The following FAM110D variants were observed in gnomAD, a reference collection of about 807,000 sequenced individuals.
FAM110D encodes protein FAM110D.
For missense variants in FAM110D, 376 were observed against 395.6 expected, an observed-to-expected ratio of 0.95 and a Z score of 0.42; for synonymous variants, 174 against 189.4, an observed-to-expected ratio of 0.92 and a Z score of 0.67.
Position 26,161,468 on chromosome 1 carries a change from G to C in FAM110D, c.177G>C (p.Gly59=), listed in dbSNP as rs1445238594. 3 of 1,561,630 alleles carry C rather than the reference G, an allele frequency of 1.9e-6. No homozygotes were observed. The highest frequency in any genetic ancestry group is 2.4e-5 in the East Asian group (1 of 41,640). Reference sequence around the variant, plus strand: ...CGCCGCACCCCTGCAACGAGCTGGGGCCCCCTGCATCGCCCAGGACGCCCA... The same window carrying C: ...CGCCGCACCCCTGCAACGAGCTGGGCCCCCCTGCATCGCCCAGGACGCCCA... ...PLTPHPCNEL[G]PPASPRTPRP... is the part of the protein sequence containing the mutation. Residue 59 remains glycine, a synonymous_variant, in exon 2 of 2, where the codon GGG becomes GGC. Transcript: ENST00000374268. The surrounding 1 kb of genome is among the most constrained non-coding windows in gnomAD (Gnocchi z 5.4).
In FAM110D at chr1:26,163,156, G is replaced by T. The variant is rs990165346; in HGVS notation, c.*1049G>T. 1 of 152,016 alleles carries T rather than the reference G, an allele frequency of 6.6e-6. No individual in the cohort carries two copies. The highest frequency in any genetic ancestry group is 2.4e-5 in the African/African-American group (1 of 41,358). 9.4% of individuals were successfully genotyped at this position (152,016 alleles called of 1,614,324 possible). A position where few individuals can be genotyped will look rare whatever the true frequency, so the allele number is the denominator to read the frequency against. On this transcript the variant is annotated 3_prime_UTR_variant, in exon 2 of 2. Coordinates refer to ENST00000374268, the MANE Select transcript of FAM110D (RefSeq NM_024869.3). ...AAAAATAAAAATAAAAATAAAAAAA[G>T]AAAAGAAGGAAACCTTTCCTGCCAG...
chr1:26,161,990 G>T lies in FAM110D; in HGVS notation c.699G>T (p.Ala233=), dbSNP rs531581842. ...GCGGCGGCGGCGGCTCGGAGGCAGC[G>T]GGCTCGGCGCGGGACCGGCGCCCCC... ...GAGGGGGSEA[A]GSARDRRPPV... Residue 233 remains alanine (A), a synonymous_variant, in exon 2 of 2, where the codon GCG becomes GCT. Transcript: ENST00000374268. The surrounding 1 kb of genome is among the most constrained non-coding windows in gnomAD (Gnocchi z 5.4). 225 of 1,238,870 alleles carry T rather than the reference G, an allele frequency of 1.8e-4. No individual in the cohort carries two copies. The African/African-American group carries it at 3.1e-3, about 17-fold the overall frequency. The allele number at this position is 1,238,870 out of a possible 1,614,324, so 76.7% of individuals were successfully genotyped here. A position where few individuals can be genotyped will look rare whatever the true frequency, so the allele number is the denominator to read the frequency against.
Position 26,161,528 on chromosome 1 carries a change from G to C in FAM110D, c.237G>C (p.Pro79=), listed in dbSNP as rs3748857. The change falls in exon 2 of 2, where the codon CCG becomes CCC. Residue 79 remains proline, a synonymous_variant. Transcript: ENST00000374268. The surrounding 1 kb of genome is among the most constrained non-coding windows in gnomAD (Gnocchi z 5.4). ...PVRRGSGRRL[P]RPDSLIFYRQ... ...GCCGGGGAAGCGGCAGGCGGCTGCC[G>C]AGGCCTGATTCCCTCATCTTCTACC... The C allele has an allele frequency of 5.8e-6, 9 of 1,550,578 alleles. No homozygotes were observed. Among genetic ancestry groups the C allele is most frequent in the Non-Finnish European group, 5.2e-6 (6 of 1,147,062 alleles).
Position 26,162,197 on chromosome 1 carries a change from C to A in FAM110D, c.*90C>A. On this transcript the variant is annotated 3_prime_UTR_variant, in exon 2 of 2. Coordinates refer to ENST00000374268, the MANE Select transcript of FAM110D (RefSeq NM_024869.3). The surrounding 1 kb of genome is among the most constrained non-coding windows in gnomAD (Gnocchi z 5.3). ...GCGCGCTGGGTGCCTTTGCGTAAGC[C>A]CTTCCTTCTGGAACTCAGTTTCGCG... 1 of 824,536 alleles carries A rather than the reference C, an allele frequency of 1.2e-6. No homozygotes were observed. The highest frequency in any genetic ancestry group is 1.6e-6 in the Non-Finnish European group (1 of 611,546). The allele number at this position is 824,536 out of a possible 1,614,324, so 51.1% of individuals were successfully genotyped here. A position where few individuals can be genotyped will look rare whatever the true frequency, so the allele number is the denominator to read the frequency against.
chr1:26,161,459 C>A lies in FAM110D; in HGVS notation c.168C>A (p.Asn56Lys). ...SPGPLTPHPC[N>K]ELGPPASPRT... ...GGCCGCTCACGCCGCACCCCTGCAACGAGCTGGGGCCCCCTGCATCGCCCA... is the reference window on the plus strand; with the variant it reads ...GGCCGCTCACGCCGCACCCCTGCAAAGAGCTGGGGCCCCCTGCATCGCCCA... Residue 56 changes from asparagine (N) to lysine (K), a missense_variant, in exon 2 of 2, where the codon AAC becomes AAA. Transcript: ENST00000374268. The surrounding 1 kb of genome is among the most constrained non-coding windows in gnomAD (Gnocchi z 5.4). 2 of 1,566,524 alleles carry A rather than the reference C, an allele frequency of 1.3e-6. No individual in the cohort carries two copies. Among genetic ancestry groups the A allele is most frequent in the Non-Finnish European group, 1.7e-6 (2 of 1,156,160 alleles).
At position 26,161,763 on chromosome 1, in the gene FAM110D, C is replaced by T; in HGVS notation, c.472C>T (p.Pro158Ser). 1.3e-6 allele frequency: 2 copies of T among 1,549,996 alleles called. No homozygotes were observed. The highest frequency in any genetic ancestry group is 2.4e-5 in the East Asian group (1 of 41,156). The change falls in exon 2 of 2, where the codon CCC (proline) becomes TCC (serine). Residue 158 changes from proline (P) to serine (S), a missense_variant. Physicochemically the swap from Pro to Ser is moderately conservative, Grantham distance 74. Coordinates refer to ENST00000374268, the MANE Select transcript of FAM110D (RefSeq NM_024869.3). This position sits in a 1 kb window ranked among gnomAD's most constrained non-coding sequence, Gnocchi z 5.4. ...GGCGCTGTGTCCCACGTGCTCGCTG[C>T]CCCTGTCGGAGAAGGAGCGCTTCTT... is the stretch of plus-strand genomic sequence containing the variant. ...KRALCPTCSL[P>S]LSEKERFFNY...
In FAM110D at chr1:26,161,372, G is replaced by A. The variant is rs1321910419; in HGVS notation, c.81G>A (p.Lys27=). 1.3e-6 allele frequency: 2 copies of A among 1,598,638 alleles called. No individual in the cohort carries two copies. Among genetic ancestry groups the A allele is most frequent in the African/African-American group, 1.3e-5 (1 of 74,754 alleles). Residue 27 remains lysine (K), a synonymous_variant, in exon 2 of 2, where the codon AAG becomes AAA. Coordinates refer to ENST00000374268, the MANE Select transcript of FAM110D (RefSeq NM_024869.3). The surrounding 1 kb of genome is among the most constrained non-coding windows in gnomAD (Gnocchi z 5.4). The stretch of plus-strand genomic sequence containing the variant: ...AGAGGCTGGAAGCCGACAAAGCCAA[G>A]TATGTCAAGACGCACCAGGTGATAG... ...AVERLEADKA[K]YVKTHQVIAR...
rs922233630 is a variant in FAM110D at position 26,162,063 on chromosome 1, G to C, written c.772G>C (p.Gly258Arg). ...CGCGCGCGTCATCCAGTGGCTGTAC[G>C]GCTGCCAGCGCGCCCGCGGACCGCC... The part of the protein sequence containing the change: ...RNARVIQWLY[G>R]CQRARGPPRE... The change falls in exon 2 of 2, where the codon GGC becomes CGC. Residue 258 changes from glycine (G) to arginine (R), a missense_variant. By Grantham distance (125) the Gly-to-Arg change is moderately radical. Coordinates refer to ENST00000374268, the MANE Select transcript of FAM110D (RefSeq NM_024869.3). This position sits in a 1 kb window ranked among gnomAD's most constrained non-coding sequence, Gnocchi z 5.3. 13 of 1,271,060 alleles carry C rather than the reference G, an allele frequency of 1.0e-5. No homozygotes were observed. The highest frequency in any genetic ancestry group is 1.5e-5 in the African/African-American group (1 of 64,842). The allele number at this position is 1,271,060 out of a possible 1,614,324, so 78.7% of individuals were successfully genotyped here. A position where few individuals can be genotyped will look rare whatever the true frequency, so the allele number is the denominator to read the frequency against.
At position 26,161,740 on chromosome 1, in the gene FAM110D, C is replaced by A; in HGVS notation, c.449C>A (p.Ala150Glu). The change falls in exon 2 of 2, where the codon GCG becomes GAG. Residue 150 changes from alanine (A) to glutamate (E), a missense_variant. By Grantham distance (107) the Ala-to-Glu change is moderately radical. Coordinates refer to ENST00000374268, the MANE Select transcript of FAM110D (RefSeq NM_024869.3). This position sits in a 1 kb window ranked among gnomAD's most constrained non-coding sequence, Gnocchi z 5.4. ...QDAPEAAGKR[A>E]LCPTCSLPLS... ...GCCCCGGAAGCGGCGGGAAAGCGGGCGCTGTGTCCCACGTGCTCGCTGCCC... is the reference window on the plus strand; with the variant it reads ...GCCCCGGAAGCGGCGGGAAAGCGGGAGCTGTGTCCCACGTGCTCGCTGCCC... 2 of 1,547,802 alleles carry A rather than the reference C, an allele frequency of 1.3e-6. No homozygotes were observed. The highest frequency in any genetic ancestry group is 2.4e-5 in the East Asian group (1 of 40,982).
In FAM110D at chr1:26,163,256, C is replaced by G. The variant is rs2088388725; in HGVS notation, c.*1149C>G. ...CGCCTATTTTCATCACAGGTTCGCACCTCCAAGCCTGCATCCTTCATGCAC... is the reference window on the plus strand; with the variant it reads ...CGCCTATTTTCATCACAGGTTCGCAGCTCCAAGCCTGCATCCTTCATGCAC... On this transcript the variant is annotated 3_prime_UTR_variant, in exon 2 of 2. Coordinates refer to ENST00000374268, the MANE Select transcript of FAM110D (RefSeq NM_024869.3). 6.6e-6 allele frequency: 1 copy of G among 152,276 alleles called. No individual in the cohort carries two copies. Among genetic ancestry groups the G allele is most frequent in the Admixed American group, 6.5e-5 (1 of 15,278 alleles). 9.4% of individuals were successfully genotyped at this position (152,276 alleles called of 1,614,324 possible).
rs2088381412 is a variant in FAM110D, at chr1:26,162,599, C to G, written c.*492C>G. The G allele has an allele frequency of 6.0e-6, 1 of 166,666 alleles. No individual in the cohort carries two copies. Among genetic ancestry groups the G allele is most frequent in the Non-Finnish European group, 1.5e-5 (1 of 68,410 alleles). The allele number at this position is 166,666 out of a possible 1,614,324, so 10.3% of individuals were successfully genotyped here. ...CAAAGTGCCCAGCATATAGAAAGTG[C>G]TCAATAAACGATAACTGCTGTGACT... On this transcript the variant is annotated 3_prime_UTR_variant, in exon 2 of 2. Coordinates refer to ENST00000374268, the MANE Select transcript of FAM110D (RefSeq NM_024869.3). The surrounding 1 kb of genome is among the most constrained non-coding windows in gnomAD (Gnocchi z 5.3).
In FAM110D at chr1:26,161,326, G is replaced by A; in HGVS notation, c.35G>A (p.Gly12Glu). The part of the protein sequence containing the change: ...LLAPPSTPSR[G>E]RTPSAVERLE... ...GCCCCTCCCTCCACCCCGTCCAGAG[G>A]ACGGACCCCCAGCGCCGTGGAGAGG... is the stretch of plus-strand genomic sequence containing the variant. Residue 12 changes from glycine (G) to glutamate (E), a missense_variant, in exon 2 of 2, where the codon GGA becomes GAA. Coordinates refer to ENST00000374268, the MANE Select transcript of FAM110D (RefSeq NM_024869.3). The surrounding 1 kb of genome is among the most constrained non-coding windows in gnomAD (Gnocchi z 5.4). 6.3e-7 allele frequency: 1 copy of A among 1,590,264 alleles called. No homozygotes were observed. Among genetic ancestry groups the A allele is most frequent in the Non-Finnish European group, 8.6e-7 (1 of 1,168,728 alleles).
At chr1:26,160,157 G>C (rs1323191054) in intron 1 of FAM110D, among the ~76,000 whole-genome samples, 1 of 150,614 alleles carries the variant, frequency 6.6e-6, no homozygotes, top group Non-Finnish European at 1.5e-5. Context: ...AGTGGTGCGC[G>C]ATCTCGGCTC....
intron 1 of FAM110D, among the ~76,000 whole-genome samples, chr1:26,159,992 G>A (rs1435862759): frequency 2.0e-5 from 3 of 152,170 alleles, no homozygotes; most frequent in African/African-American, 7.2e-5. Context: ...AGAATTAGTG[G>A]AAGGAACTTT....
chr1:26,162,139 GC>G lies in FAM110D; in HGVS notation c.*36del, dbSNP rs1348013873. On this transcript the variant is annotated 3_prime_UTR_variant, in exon 2 of 2. Coordinates refer to ENST00000374268, the MANE Select transcript of FAM110D (RefSeq NM_024869.3). This position sits in a 1 kb window ranked among gnomAD's most constrained non-coding sequence, Gnocchi z 5.3. ...CGGCTCCGGACTGGCCCCGGGACTG[GC>G]CCCGGGCACGGAAAAGGACACCCCT... The G allele has an allele frequency of 1.6e-6, 2 of 1,221,582 alleles. No individual in the cohort carries two copies. Among genetic ancestry groups the G allele is most frequent in the South Asian group, 3.6e-5 (1 of 27,566 alleles). 75.7% of individuals were successfully genotyped at this position (1,221,582 alleles called of 1,614,324 possible).
intron 1 of FAM110D, among the ~76,000 whole-genome samples, chr1:26,160,791 G>A (rs1304772104): frequency 6.6e-6 from 1 of 152,236 alleles, no homozygotes; most frequent in African/African-American, 2.4e-5. Context: ...TCGGTGTTTG[G>A]GGGCGGGAAG....
chr1:26,161,329 G>T lies in FAM110D; in HGVS notation c.38G>T (p.Arg13Leu), dbSNP rs1284478172. Residue 13 changes from arginine to leucine, a missense_variant, in exon 2 of 2, where the codon CGG becomes CTG. Arg to Leu is a moderately radical substitution (Grantham distance 102). Transcript: ENST00000374268. This position sits in a 1 kb window ranked among gnomAD's most constrained non-coding sequence, Gnocchi z 5.4. ...LAPPSTPSRG[R>L]TPSAVERLEA... ...CCTCCCTCCACCCCGTCCAGAGGAC[G>T]GACCCCCAGCGCCGTGGAGAGGCTG... The T allele has an allele frequency of 1.9e-6, 3 of 1,590,722 alleles. No homozygotes were observed. Among genetic ancestry groups the T allele is most frequent in the Admixed American group, 3.5e-5 (2 of 56,750 alleles).
In FAM110D at chr1:26,161,384, G is replaced by A. The variant is rs1029163704; in HGVS notation, c.93G>A (p.Thr31=). 3 of 1,598,884 alleles carry A rather than the reference G, an allele frequency of 1.9e-6. No homozygotes were observed. The highest frequency in any genetic ancestry group is 2.7e-5 in the African/African-American group (2 of 74,638). The change falls in exon 2 of 2, where the codon ACG becomes ACA. Residue 31 remains threonine, a synonymous_variant. Coordinates refer to ENST00000374268, the MANE Select transcript of FAM110D (RefSeq NM_024869.3). This position sits in a 1 kb window ranked among gnomAD's most constrained non-coding sequence, Gnocchi z 5.4. ...LEADKAKYVK[T]HQVIARRQEP... ...CCGACAAAGCCAAGTATGTCAAGACGCACCAGGTGATAGCTAGGCGACAGG... is the reference window on the plus strand; with the variant it reads ...CCGACAAAGCCAAGTATGTCAAGACACACCAGGTGATAGCTAGGCGACAGG...
In FAM110D at chr1:26,162,487, C is replaced by G; in HGVS notation, c.*380C>G. The G allele has an allele frequency of 5.2e-6, 1 of 192,024 alleles. No homozygotes were observed. 11.9% of individuals were successfully genotyped at this position (192,024 alleles called of 1,614,324 possible). ...TGTGTGATCCTGGGCAAGAACTTGA[C>G]CTCCCTGGACGCAGCGGCACCCCTC... On this transcript the variant is annotated 3_prime_UTR_variant, in exon 2 of 2. Transcript: ENST00000374268. This position sits in a 1 kb window ranked among gnomAD's most constrained non-coding sequence, Gnocchi z 5.3.
Sources: allele counts gnomAD v4.1 joint callset (sites outside exome capture counted in the v4.1 genomes callset), GRCh38; gene constraint gnomAD v4.1.1; non-coding constraint Gnocchi (gnomAD v3.1); transcripts MANE v1.5; gene names NCBI Gene and HGNC (gene_info 2026-07-23, HGNC 2026-07-21).